Variants in USP48 observed in about 807,000 individuals in gnomAD.
USP48 encodes ubiquitin carboxyl-terminal hydrolase 48.
In USP48, 43 loss-of-function variants were observed where a neutral mutation model predicts 150.7. The observed-to-expected ratio is 0.29, with a 90% CI of 0.22 to 0.37. USP48 has a LOEUF of 0.37. Among genes scored for constraint, USP48 ranks in the 10% least tolerant of loss-of-function variants. USP48 has a pLI of 1.00. For synonymous variants in USP48, 396 were observed against 425.9 expected (o/e 0.93, Z 0.86); for missense variants, 813 against 1,249.6 (o/e 0.65, Z 5.27).
Position 21,757,777 on chromosome 1 carries a change from G to C in USP48, c.141C>G (p.Asn47Lys). The C allele has an allele frequency of 6.3e-7, 1 of 1,599,374 alleles. No homozygotes were observed. The stretch of plus-strand genomic sequence containing the variant: ...CCAAGCAATTCGGATTTCCTTTGCA[G>C]TTTCGTCTAAGGGGAAAAAAAAAAC... ...EPCIRGVCRR[N>K]CKGNPNCLVG... The change falls in exon 2 of 27, where the codon AAC becomes AAG. Residue 47 changes from asparagine (N) to lysine (K), a missense_variant. Asn to Lys is a moderately conservative substitution (Grantham distance 94). Coordinates refer to ENST00000308271, the MANE Select transcript of USP48 (RefSeq NM_032236.8).
At chr1:21,739,028 A>G (rs1232249177) in intron 8 of USP48, among the ~76,000 whole-genome samples, 1 of 152,214 alleles carries the variant, frequency 6.6e-6, no homozygotes, top group Non-Finnish European at 1.5e-5. Flanking sequence ...CAGAAGCCCA[A>G]TACCATGTGA....
intron 1 of USP48, among the ~76,000 whole-genome samples, chr1:21,758,482 G>A (rs1182030435): frequency 6.6e-6 from 1 of 152,094 alleles, no homozygotes; most frequent in Admixed American, 6.6e-5. Context: ...ACACCTTTTC[G>A]GCCGGACACA....
intron 9 of USP48, among the ~76,000 whole-genome samples, chr1:21,732,216 T>C (rs1311404090): frequency 2.6e-5 from 4 of 152,070 alleles, no homozygotes; most frequent in African/African-American, 7.2e-5. Context: ...AAGGCGGAGA[T>C]TGTGGTGGGC....
intron 1 of USP48, among the ~76,000 whole-genome samples, chr1:21,772,998 G>A (rs1284826013): frequency 2.7e-5 from 4 of 150,352 alleles, no homozygotes; most frequent in Middle Eastern, 3.5e-3. Context: ...GATGGCTCAC[G>A]CCTGTAATCC....
At chr1:21,756,894 A>G in intron 2 of USP48, 192 bp from the exon 3 acceptor site, 1 of 985,426 alleles carries the variant, frequency 1.0e-6, no homozygotes, top group Non-Finnish European at 1.2e-6. Flanking sequence ...GGTTGACCAC[A>G]GGAGTGAAAA....
chr1:21,741,415 T>A (rs7526162), intron 8 of USP48, among the ~76,000 whole-genome samples: 7,728 of 152,192 alleles, frequency 0.051, 241 homozygotes, highest in Middle Eastern at 0.058. Flanking sequence ...CTTCAATGAG[T>A]GAAAGTAACC....
chr1:21,688,837 C>A (rs2097587260), intron 24 of USP48, among the ~76,000 whole-genome samples: 3 of 82,854 alleles, frequency 3.6e-5, no homozygotes, highest in East Asian at 4.1e-4. Context: ...AGCGAGACTC[C>A]ATCTCAAAAA....
chr1:21,763,448 T>C (rs879860136), intron 1 of USP48, among the ~76,000 whole-genome samples: 30 of 152,316 alleles, frequency 2.0e-4, no homozygotes, highest in Admixed American at 1.8e-3. Flanking sequence ...AAGCCTTTCA[T>C]ACATAGCCCA....
chr1:21,771,122 T>C (rs1421678425), intron 1 of USP48, among the ~76,000 whole-genome samples: 2 of 151,970 alleles, frequency 1.3e-5, no homozygotes, highest in Admixed American at 6.6e-5. Flanking sequence ...CAAGACTGTC[T>C]CAAAAAACAA....
intron 14 of USP48, among the ~76,000 whole-genome samples, chr1:21,719,614 G>A (rs1040716037): frequency 6.6e-5 from 10 of 152,176 alleles, no homozygotes; most frequent in Non-Finnish European, 1.3e-4. Context: ...AAACTGGTCA[G>A]GCACGGTGGC....
In USP48 at chr1:21,724,110, A is replaced by G. The variant is rs749460488; in HGVS notation, c.1451-15T>C. 21 of 1,613,044 alleles carry G rather than the reference A, an allele frequency of 1.3e-5. No homozygotes were observed. Among genetic ancestry groups the G allele is most frequent in the South Asian group, 1.1e-5 (1 of 91,032 alleles). ...CTCATAGGGCTCTGAGAAAGCAAGCATCGGAAAGAGCCTATGTATTTTTAC... is the reference window on the plus strand; with the variant it reads ...CTCATAGGGCTCTGAGAAAGCAAGCGTCGGAAAGAGCCTATGTATTTTTAC... On this transcript the variant is annotated splice_polypyrimidine_tract_variant and intron_variant, in intron 11 of 26. Transcript: ENST00000308271.
chr1:21,716,681 T>A (rs1419282889), intron 14 of USP48, among the ~76,000 whole-genome samples: 1 of 152,216 alleles, frequency 6.6e-6, no homozygotes, highest in Non-Finnish European at 1.5e-5. Flanking sequence ...CAATTTATAG[T>A]TGTATATACT....
chr1:21,739,082 G>A (rs2097775115), intron 8 of USP48, among the ~76,000 whole-genome samples: 1 of 152,168 alleles, frequency 6.6e-6, no homozygotes, highest in Non-Finnish European at 1.5e-5. Context: ...TTCCCTCTGC[G>A]AGTGTTAGGG....
At chr1:21,716,082 C>A (rs979282622) in intron 14 of USP48, among the ~76,000 whole-genome samples, 3 of 152,212 alleles carry the variant, frequency 2.0e-5, no homozygotes, top group Non-Finnish European at 4.4e-5. Flanking sequence ...GCAAAACTAG[C>A]ATGAATTTTT....
At chr1:21,775,230 A>G (rs963965992) in intron 1 of USP48, among the ~76,000 whole-genome samples, 5 of 151,874 alleles carry the variant, frequency 3.3e-5, no homozygotes, top group Non-Finnish European at 7.4e-5. Context: ...GTGTAGCTGG[A>G]ACTATGGGTC....
intron 24 of USP48, among the ~76,000 whole-genome samples, chr1:21,688,789 G>A (rs1203967025): frequency 7.0e-6 from 1 of 143,530 alleles, no homozygotes; most frequent in Non-Finnish European, 1.5e-5. Context: ...GTTGCAGTGA[G>A]CCGAGATTGT....
intron 19 of USP48, chr1:21,704,723 A>T (rs1557454757): frequency 1.2e-5 from 2 of 165,854 alleles, no homozygotes; most frequent in Non-Finnish European, 2.5e-5. Flanking sequence ...ATGTGCGTGC[A>T]TTTTTTTTTT....
intron 23 of USP48, among the ~76,000 whole-genome samples, chr1:21,691,817 T>A (rs1337149410): frequency 6.6e-6 from 1 of 152,182 alleles, no homozygotes; most frequent in African/African-American, 2.4e-5. Context: ...CTGTTTTAAT[T>A]CTTAACTCGG....
chr1:21,743,389 A>T (rs2097786553), intron 8 of USP48, among the ~76,000 whole-genome samples: 1 of 152,204 alleles, frequency 6.6e-6, no homozygotes, highest in Non-Finnish European at 1.5e-5. Context: ...GGAGGAACAA[A>T]GTATGATAAG....
Sources: gnomAD v4.1 joint callset for allele counts (sites outside exome capture counted in the v4.1 genomes callset) on GRCh38, gnomAD v4.1.1 for gene constraint, MANE v1.5 for transcripts, NCBI Gene and HGNC (gene_info 2026-07-23, HGNC 2026-07-21) for gene names.